The following MAGEC3 variants were observed in gnomAD, a reference collection of about 807,000 sequenced individuals.
The protein encoded by MAGEC3 is melanoma-associated antigen C3.
In MAGEC3, 34 loss-of-function variants were observed where a neutral mutation model predicts 35.3. The ratio of observed to expected loss-of-function variants is 0.96; its 90% CI spans 0.73 to 1.28. The LOEUF is 1.28. Among genes scored for constraint, MAGEC3 ranks in the 50% most tolerant of loss-of-function variants. The pLI, the probability that MAGEC3 is intolerant of heterozygous loss-of-function variation, is 0.00. For missense variants in MAGEC3, 561 were observed against 483.6 expected (o/e 1.16, Z -1.50); for synonymous variants, 202 against 185.6 (o/e 1.09, Z -0.72).
At chrX:141,895,462 C>A (rs762413293) in intron 5 of MAGEC3, 23 bp from the exon 6 acceptor site, 2 of 1,210,679 alleles carry the variant, frequency 1.7e-6, no homozygotes, top group East Asian at 5.9e-5. Flanking sequence ...GAAGAAGCCC[C>A]GGTCTGCCCT....
At chrX:141,851,698 T>C (rs1313988169) in intron 1 of MAGEC3, among the ~76,000 whole-genome samples, 1 of 110,803 alleles carries the variant, frequency 9.0e-6, no homozygotes, top group Admixed American at 9.7e-5. Flanking sequence ...TTAATCCCTA[T>C]GAATTTGCCT....
In MAGEC3 at chrX:141,840,060, C is replaced by A. The variant is rs180684601; in HGVS notation, c.123+1622C>A. ...TTTTTTCTTCTGGTCAGAATGTGCA[C>A]AATGGAAATTCTTCCTGAAGGATTT... On this transcript the variant is annotated intron_variant, in intron 1 of 7. Transcript: ENST00000298296. 1,405 of 724,416 alleles carry A rather than the reference C, an allele frequency of 1.9e-3. 2 individuals are homozygous for A. The highest frequency in any genetic ancestry group is 2.2e-3 in the Non-Finnish European group (1,341 of 613,427). 59.7% of individuals were successfully genotyped at this position (724,416 alleles called of 1,213,427 possible).
intron 1 of MAGEC3, among the ~76,000 whole-genome samples, chrX:141,841,967 G>A (rs902907715): frequency 9.0e-6 from 1 of 111,422 alleles, no homozygotes; most frequent in African/African-American, 3.3e-5. Flanking sequence ...TGTATTGAAA[G>A]AAGTATTATT....
At chrX:141,896,242 C>T in intron 6 of MAGEC3, 1 of 376,924 alleles carries the variant, frequency 2.7e-6, no homozygotes, top group East Asian at 1.1e-4. Flanking sequence ...AAAGTCAGCA[C>T]AGCAGAGGAG....
chrX:141,895,429 T>C, intron 5 of MAGEC3, 22 bp downstream of exon 5: 1 of 1,210,684 alleles, frequency 8.3e-7, no homozygotes, highest in Non-Finnish European at 1.1e-6. Flanking sequence ...AAGGGAGAAC[T>C]GAGGGACTTC....
At chrX:141,860,814 AGTT>A (rs1311184661) in intron 1 of MAGEC3, among the ~76,000 whole-genome samples, 1 of 111,561 alleles carries the variant, frequency 9.0e-6, no homozygotes. Context: ...GGGAATGTGG[AGTT>A]GTTTAATGGA....
Position 141,879,407 on chromosome X carries a change from GGTTGT to G in MAGEC3, c.493_497del (p.Leu165GlyfsTer20). 3 of 1,183,918 alleles carry G rather than the reference GGTTGT, an allele frequency of 2.5e-6. No homozygotes were observed. The South Asian group carries it at 5.6e-5, about 22-fold the overall frequency. ...CTTCCTGCCGTCAGCCCTGGAAAAA[GGTTGT>G]GGGGGGAGAAAGCGGGGAGGTGGGC... On this transcript the variant is annotated frameshift_variant, in exon 3 of 8. Transcript: ENST00000298296. LOFTEE classifies it high-confidence loss of function.
chrX:141,875,908 G>A lies in MAGEC3; in HGVS notation c.259-3267G>A, dbSNP rs907973826. On this transcript the variant is annotated intron_variant, in intron 2 of 7. Transcript: ENST00000298296. ...GCTATGAGCAGAGTCCCACTGCCCCGGGACACTGAGCCAAAGCTGAAGAAG... is the reference window on the plus strand; with the variant it reads ...GCTATGAGCAGAGTCCCACTGCCCCAGGACACTGAGCCAAAGCTGAAGAAG... Among the ~76,000 whole-genome samples the A allele has an allele frequency of 3.6e-5, 4 of 111,371 alleles. No homozygotes were observed. The East Asian group carries it at 1.1e-3, about 32-fold the overall frequency.
intron 1 of MAGEC3, among the ~76,000 whole-genome samples, chrX:141,852,023 T>C (rs2124088448): frequency 9.1e-6 from 1 of 110,200 alleles, no homozygotes; most frequent in Admixed American, 9.7e-5. Context: ...TACAGATCAA[T>C]GTGAGCAGTA....
At chrX:141,840,665 G>A (rs897048810) in intron 1 of MAGEC3, among the ~76,000 whole-genome samples, 1 of 110,735 alleles carries the variant, frequency 9.0e-6, no homozygotes, top group African/African-American at 3.3e-5. Flanking sequence ...GGACTGTTCA[G>A]CATTTATTTT....
chrX:141,863,864 C>T (rs1221811694), intron 1 of MAGEC3, among the ~76,000 whole-genome samples: 1 of 111,259 alleles, frequency 9.0e-6, no homozygotes, highest in Admixed American at 9.6e-5. Flanking sequence ...TCATTTATTG[C>T]TGGTTGGAAA....
rs188011010 is a variant in MAGEC3 at position 141,848,424 on chromosome X, G to T, written c.123+9986G>T. ...CTTCTAGAACTAATAAACGACTTTA[G>T]TAAAGTTTCAGGATACAAAATCAAT... On this transcript the variant is annotated intron_variant, in intron 1 of 7. Coordinates refer to ENST00000298296, the MANE Select transcript of MAGEC3 (RefSeq NM_138702.1). Among the ~76,000 whole-genome samples the T allele has an allele frequency of 6.5e-3, 723 of 111,007 alleles. 8 individuals carry two copies. Among genetic ancestry groups the T allele is most frequent in the African/African-American group, 0.022 (683 of 30,687 alleles).
chrX:141,879,868 G>A (rs1332724857), intron 3 of MAGEC3, among the ~76,000 whole-genome samples: 1 of 111,121 alleles, frequency 9.0e-6, no homozygotes, highest in Non-Finnish European at 1.9e-5. Context: ...GTAACCGAGG[G>A]CTGAGGGACA....
At chrX:141,891,559 G>C (rs938370630) in intron 4 of MAGEC3, among the ~76,000 whole-genome samples, 6 of 108,681 alleles carry the variant, frequency 5.5e-5, no homozygotes, top group Non-Finnish European at 9.5e-5. Context: ...CCTCTGCAAA[G>C]TTCCTCCAAA....
chrX:141,848,261 G>A (rs183296511), intron 1 of MAGEC3, among the ~76,000 whole-genome samples: 2 of 108,517 alleles, frequency 1.8e-5, no homozygotes, highest in African/African-American at 3.3e-5. Flanking sequence ...ACATATTACC[G>A]AAAGTCTTAG....
rs759344425 is a variant in MAGEC3 at position 141,846,543 on chromosome X, T to C, written c.123+8105T>C. Among the ~76,000 whole-genome samples the C allele has an allele frequency of 1.4e-4, 16 of 110,998 alleles. No homozygotes were observed. In the East Asian group the frequency reaches 4.0e-3, roughly 28 times the overall value. On this transcript the variant is annotated intron_variant, in intron 1 of 7. Coordinates refer to ENST00000298296, the MANE Select transcript of MAGEC3 (RefSeq NM_138702.1). ...ACGCTACCTATGTTTTCAGAAGGCTTGTAATTCTCTCTTAACTCACAAACT... is the reference window on the plus strand; with the variant it reads ...ACGCTACCTATGTTTTCAGAAGGCTCGTAATTCTCTCTTAACTCACAAACT...
At chrX:141,844,314 A>T (rs1461960057) in intron 1 of MAGEC3, among the ~76,000 whole-genome samples, 1 of 111,052 alleles carries the variant, frequency 9.0e-6, no homozygotes, top group Non-Finnish European at 1.9e-5. Flanking sequence ...AATTTGGCGT[A>T]TGAGTTTAGC....
intron 1 of MAGEC3, among the ~76,000 whole-genome samples, chrX:141,845,035 A>C (rs768354449): frequency 1.5e-3 from 170 of 110,904 alleles, no homozygotes; most frequent in Middle Eastern, 9.3e-3. Flanking sequence ...CTTCTGCATC[A>C]GCATTTTGAG....
intron 1 of MAGEC3, among the ~76,000 whole-genome samples, chrX:141,843,665 T>C (rs1028595164): frequency 9.0e-6 from 1 of 110,969 alleles, no homozygotes; most frequent in Non-Finnish European, 1.9e-5. Context: ...GCAAAAACTT[T>C]GATACCATTT....
Sources: allele counts gnomAD v4.1 joint callset (sites outside exome capture counted in the v4.1 genomes callset), GRCh38; gene constraint gnomAD v4.1.1; transcripts MANE v1.5; gene names NCBI Gene and HGNC (gene_info 2026-07-23, HGNC 2026-07-21).